The following POFUT3 variants were observed in gnomAD, a reference collection of about 807,000 sequenced individuals.
POFUT3 encodes the protein protein O-fucosyltransferase 3.
At chr8:33,452,862 T>C in the POFUT3 span, 13 of 222,342 alleles carry the variant, frequency 5.8e-5, no homozygotes, top group Admixed American at 3.1e-4. Flanking sequence ...ATTATCTATA[T>C]TTTTTGTGAA....
At chr8:33,374,536 G>A in the POFUT3 span, among the ~76,000 whole-genome samples, 2 of 152,174 alleles carry the variant, frequency 1.3e-5, no homozygotes, top group Non-Finnish European at 2.9e-5. Flanking sequence ...GACAGAGGAT[G>A]TTACAGAAAT....
chr8:33,461,454 C>T, the POFUT3 span: 13 of 1,613,530 alleles, frequency 8.1e-6, no homozygotes, highest in Admixed American at 6.7e-5. Flanking sequence ...CCGCACCATG[C>T]TGCCCTGCCC....
chr8:33,437,471 T>C, the POFUT3 span, among the ~76,000 whole-genome samples: 2 of 152,052 alleles, frequency 1.3e-5, no homozygotes, highest in East Asian at 3.8e-4. Context: ...TGCCTCTGGA[T>C]GTTTTTCTTC....
chr8:33,446,456 CAAAA>C, the POFUT3 span, among the ~76,000 whole-genome samples: 1 of 138,458 alleles, frequency 7.2e-6, no homozygotes, highest in Admixed American at 7.3e-5. Context: ...GATCCTATTA[CAAAA>C]AAAAAAAAAA....
At chr8:33,384,632 C>G in the POFUT3 span, among the ~76,000 whole-genome samples, 2,287 of 152,082 alleles carry the variant, frequency 0.015, 52 homozygotes, top group African/African-American at 0.053. Flanking sequence ...CCAGCCTGAC[C>G]AACATGGTGA....
the POFUT3 span, among the ~76,000 whole-genome samples, chr8:33,463,718 T>C: frequency 2.0e-5 from 3 of 152,016 alleles, no homozygotes; most frequent in Non-Finnish European, 4.4e-5. Context: ...CTAATTTTTG[T>C]TTGTTTGTTT....
chr8:33,315,628 T>C, the POFUT3 span, among the ~76,000 whole-genome samples: 3 of 152,178 alleles, frequency 2.0e-5, no homozygotes, highest in East Asian at 5.8e-4. Context: ...GAGAAACCGA[T>C]GGGAACAAAT....
chr8:33,341,676 A>C, the POFUT3 span, among the ~76,000 whole-genome samples: 1 of 152,132 alleles, frequency 6.6e-6, no homozygotes, highest in African/African-American at 2.4e-5. Flanking sequence ...CTAGGGAAAA[A>C]AAAGAGCAAG....
At chr8:33,393,488 G>C in the POFUT3 span, among the ~76,000 whole-genome samples, 4 of 152,218 alleles carry the variant, frequency 2.6e-5, no homozygotes, top group Non-Finnish European at 1.5e-5. Flanking sequence ...ATGGAGACTA[G>C]ATCTGAAACA....
the POFUT3 span, among the ~76,000 whole-genome samples, chr8:33,462,169 G>GAGGGGAAGGGA: frequency 1.7e-3 from 10 of 6,058 alleles, no homozygotes; most frequent in Admixed American, 2.4e-3. Context: ...AAGGGGAAGG[G>GAGGGGAAGGGA]ACCAGAGTGG....
chr8:33,465,509 C>T, the POFUT3 span, among the ~76,000 whole-genome samples: 10 of 152,034 alleles, frequency 6.6e-5, no homozygotes, highest in South Asian at 4.1e-4. Flanking sequence ...GTTGCCCAGG[C>T]TGGAGTGCAG....
the POFUT3 span, among the ~76,000 whole-genome samples, chr8:33,469,261 G>A: frequency 8.5e-5 from 13 of 152,254 alleles, no homozygotes; most frequent in South Asian, 8.3e-4. Context: ...AGCCGAGATC[G>A]CGCCACTGCA....
the POFUT3 span, among the ~76,000 whole-genome samples, chr8:33,465,588 G>A: frequency 2.6e-5 from 4 of 152,070 alleles, no homozygotes; most frequent in South Asian, 2.1e-4. Flanking sequence ...TCATCCTCCC[G>A]GGTAGCTGGG....
chr8:33,412,010 G>A, the POFUT3 span, among the ~76,000 whole-genome samples: 1 of 140,884 alleles, frequency 7.1e-6, no homozygotes, highest in Non-Finnish European at 1.6e-5. Flanking sequence ...TCATTCACAG[G>A]TTGCACACTG....
At chr8:33,393,107 G>GA in the POFUT3 span, among the ~76,000 whole-genome samples, 36 of 152,134 alleles carry the variant, frequency 2.4e-4, 1 homozygote, top group African/African-American at 9.7e-5. Flanking sequence ...ATGTGGCTCA[G>GA]AAAAAAACTG....
the POFUT3 span, among the ~76,000 whole-genome samples, chr8:33,385,925 T>C: frequency 6.6e-6 from 1 of 151,680 alleles, no homozygotes; most frequent in Non-Finnish European, 1.5e-5. Context: ...CAGTGGCTGA[T>C]GCCTGTAATC....
At chr8:33,381,414 A>C in the POFUT3 span, among the ~76,000 whole-genome samples, 3,238 of 152,296 alleles carry the variant, frequency 0.021, 111 homozygotes, top group African/African-American at 0.072. Flanking sequence ...ATCTGTAGGA[A>C]GAAAAATTTT....
chr8:33,370,223 C>CAGGT, the POFUT3 span, among the ~76,000 whole-genome samples: 1 of 136,582 alleles, frequency 7.3e-6, no homozygotes, highest in Non-Finnish European at 1.5e-5. Flanking sequence ...GGCCTGGTGG[C>CAGGT]AGGTGCCTGT....
the POFUT3 span, among the ~76,000 whole-genome samples, chr8:33,357,416 C>G: frequency 6.6e-6 from 1 of 151,820 alleles, no homozygotes; most frequent in East Asian, 1.9e-4. Context: ...AGGAGTTGTT[C>G]TTGGTTACAG....
Sources: allele counts gnomAD v4.1 joint callset (sites outside exome capture counted in the v4.1 genomes callset), GRCh38; gene constraint gnomAD v4.1.1; transcripts MANE v1.5; gene names NCBI Gene and HGNC (gene_info 2026-07-23, HGNC 2026-07-21).